KALRN: variants seen among roughly 807,000 people sequenced by gnomAD.
KALRN encodes kalirin.
A neutral mutation model predicts 353.7 loss-of-function variants in KALRN; 70 were observed. That is an observed-to-expected ratio of 0.20 (90% CI 0.16 to 0.24). The LOEUF is 0.24. Ranked by LOEUF, KALRN falls within the 10% of genes least tolerant of loss-of-function variation. The pLI is 1.00. For synonymous variants in KALRN, 1,391 were observed against 1,434.8 expected, an observed-to-expected ratio of 0.97 and a Z score of 0.69; for missense variants, 2,791 against 3,756.7, an observed-to-expected ratio of 0.74 and a Z score of 6.72.
rs765902762 is a variant in KALRN at position 124,461,947 on chromosome 3, G to A, written c.3912G>A (p.Glu1304=). ...TEKAYVRDLH[E]CLETYLWEMT... is the part of the protein sequence containing the mutation. ...AGGCTTATGTAAGGGATTTGCATGA[G>A]TGCTTAGAGGTGAGTCTTCCAGTAA... The change falls in exon 24 of 60, where the codon GAG becomes GAA. Residue 1304 remains glutamate, a synonymous_variant. Coordinates refer to ENST00000682506, the MANE Select transcript of KALRN (RefSeq NM_001388419.1). The A allele has an allele frequency of 2.5e-6, 4 of 1,610,574 alleles. No individual in the cohort carries two copies. The highest frequency in any genetic ancestry group is 2.5e-6 in the Non-Finnish European group (3 of 1,177,000).
At chr3:124,210,291 T>C (rs1309437598) in intron 1 of KALRN, among the ~76,000 whole-genome samples, 1 of 152,258 alleles carries the variant, frequency 6.6e-6, no homozygotes, top group Non-Finnish European at 1.5e-5. Context: ...CTCTTTTTCC[T>C]TCTACATTTT....
At chr3:124,393,316 C>T (rs1458134296) in intron 11 of KALRN, among the ~76,000 whole-genome samples, 1 of 152,172 alleles carries the variant, frequency 6.6e-6, no homozygotes, top group Non-Finnish European at 1.5e-5. Flanking sequence ...TCCATCATCT[C>T]TTCCCTAAAG....
intron 9 of KALRN, among the ~76,000 whole-genome samples, chr3:124,342,921 C>T (rs2081915811): frequency 6.6e-6 from 1 of 152,230 alleles, no homozygotes; most frequent in Non-Finnish European, 1.5e-5. Context: ...GTGACTAGTT[C>T]TACCTTCCAC....
chr3:124,213,340 A>G (rs1457834328), intron 1 of KALRN, among the ~76,000 whole-genome samples: 1 of 151,980 alleles, frequency 6.6e-6, no homozygotes, highest in Non-Finnish European at 1.5e-5. Flanking sequence ...TTATTTCCTT[A>G]TCATCCATTA....
At chr3:124,701,199 C>T (rs1300407934) in intron 56 of KALRN, among the ~76,000 whole-genome samples, 1 of 152,040 alleles carries the variant, frequency 6.6e-6, no homozygotes, top group African/African-American at 2.4e-5. Flanking sequence ...GCTCTGTGTG[C>T]GTGTGTGTGT....
chr3:124,686,166 G>A (rs1010614021), intron 51 of KALRN, among the ~76,000 whole-genome samples: 2 of 152,152 alleles, frequency 1.3e-5, no homozygotes, highest in Non-Finnish European at 2.9e-5. Flanking sequence ...TCATGGTGAG[G>A]GACTGATTAA....
chr3:124,435,424 T>G (rs1325292664), intron 17 of KALRN, among the ~76,000 whole-genome samples: 1 of 152,236 alleles, frequency 6.6e-6, no homozygotes, highest in Non-Finnish European at 1.5e-5. Context: ...TACAGCAATA[T>G]GCACAGGGCT....
At chr3:124,319,719 G>A (rs549995441) in intron 6 of KALRN, among the ~76,000 whole-genome samples, 58 of 152,024 alleles carry the variant, frequency 3.8e-4, no homozygotes, top group African/African-American at 1.4e-3. Context: ...CAGGCCAGGC[G>A]CAGTGGCTCA....
intron 10 of KALRN, among the ~76,000 whole-genome samples, chr3:124,372,080 A>G (rs1429465206): frequency 1.3e-5 from 2 of 152,222 alleles, no homozygotes; most frequent in Non-Finnish European, 2.9e-5. Flanking sequence ...TTCACTTAAC[A>G]TAATGACCTC....
intron 34 of KALRN, among the ~76,000 whole-genome samples, chr3:124,626,039 C>A (rs923725583): frequency 1.3e-5 from 2 of 151,954 alleles, no homozygotes; most frequent in Non-Finnish European, 2.9e-5. Context: ...TGAGATCGCG[C>A]CATTGCACAC....
At chr3:124,512,261 T>C (rs1229355616) in intron 33 of KALRN, among the ~76,000 whole-genome samples, 2 of 152,224 alleles carry the variant, frequency 1.3e-5, no homozygotes, top group African/African-American at 4.8e-5. Context: ...TGACTGTCGC[T>C]GGCGCAATAC....
intron 53 of KALRN, 67 bp from the exon 54 acceptor site, chr3:124,696,067 G>A: frequency 6.3e-7 from 1 of 1,574,856 alleles, no homozygotes. Context: ...CCAACCCTAT[G>A]GGATTTTACC....
chr3:124,575,285 G>C (rs1486918003), intron 34 of KALRN, among the ~76,000 whole-genome samples: 2 of 152,174 alleles, frequency 1.3e-5, no homozygotes, highest in African/African-American at 2.4e-5. Flanking sequence ...CCTCACCTTT[G>C]TACACAGGAG....
intron 25 of KALRN, among the ~76,000 whole-genome samples, chr3:124,473,535 T>G (rs2061148062): frequency 6.6e-6 from 1 of 152,216 alleles, no homozygotes; most frequent in South Asian, 2.1e-4. Context: ...CTACATATTC[T>G]TCTGTACCTT....
intron 1 of KALRN, among the ~76,000 whole-genome samples, chr3:124,174,636 C>T (rs1333608183): frequency 1.3e-5 from 2 of 152,166 alleles, no homozygotes; most frequent in Non-Finnish European, 2.9e-5. Context: ...CATCTGTCTC[C>T]CAGGAGGAGG....
intron 1 of KALRN, among the ~76,000 whole-genome samples, chr3:124,201,871 A>G (rs2075975153): frequency 6.6e-6 from 1 of 152,208 alleles, no homozygotes; most frequent in African/African-American, 2.4e-5. Flanking sequence ...GGCCACATCT[A>G]TGTCTCTAGC....
At chr3:124,436,596 C>T (rs963279058) in intron 17 of KALRN, among the ~76,000 whole-genome samples, 135 of 141,432 alleles carry the variant, frequency 9.5e-4, no homozygotes, top group African/African-American at 3.4e-3. Context: ...CAGATCTTCT[C>T]ATGTGATGCT....
intron 48 of KALRN, among the ~76,000 whole-genome samples, chr3:124,673,514 A>G (rs36153838): frequency 0.069 from 2,736 of 39,904 alleles, 391 homozygotes; most frequent in East Asian, 0.14. Context: ...GTATGTATAT[A>G]CATATAGAAT....
chr3:124,623,423 C>CAAAA (rs201509537), intron 34 of KALRN, among the ~76,000 whole-genome samples: 1 of 149,230 alleles, frequency 6.7e-6, no homozygotes, highest in Non-Finnish European at 1.5e-5. Flanking sequence ...CACACACACA[C>CAAAA]ACACAAAAGG....
Sources: allele counts gnomAD v4.1 joint callset (sites outside exome capture counted in the v4.1 genomes callset), GRCh38; gene constraint gnomAD v4.1.1; transcripts MANE v1.5; gene names NCBI Gene and HGNC (gene_info 2026-07-23, HGNC 2026-07-21).